RGS7: variants seen among roughly 807,000 people sequenced by gnomAD.
RGS7 encodes regulator of G-protein signaling 7.
A neutral mutation model predicts 81.1 loss-of-function variants in RGS7; 27 were observed. That is an observed-to-expected ratio of 0.33 (90% CI 0.25 to 0.46). The LOEUF (loss-of-function observed/expected upper bound fraction) is 0.46, where lower values mean the gene tolerates loss of function less well. RGS7 is among the 20% of genes least tolerant of loss of function. RGS7 has a pLI of 1.00. For synonymous variants in RGS7, 208 were observed against 207.7 expected, an observed-to-expected ratio of 1.00 and a Z score of -0.01; for missense variants, 396 against 607.4, an observed-to-expected ratio of 0.65 and a Z score of 3.66.
Position 240,868,458 on chromosome 1 carries a change from A to G in RGS7, c.609+129T>C. ...ACACAAAAGTGGTGATCTTTTCTTAATGAATTCACCAAGATACCATGGAGC... is the reference window on the plus strand; with the variant it reads ...ACACAAAAGTGGTGATCTTTTCTTAGTGAATTCACCAAGATACCATGGAGC... On this transcript the variant is annotated intron_variant, in intron 9 of 18. Coordinates refer to ENST00000440928, the MANE Select transcript of RGS7 (RefSeq NM_001364886.1). This position sits in a 1 kb window ranked among gnomAD's most constrained non-coding sequence, Gnocchi z 5.1. 1.3e-6 allele frequency: 1 copy of G among 787,072 alleles called. No homozygotes were observed. The highest frequency in any genetic ancestry group is 1.4e-5 in the South Asian group (1 of 72,204). The allele number at this position is 787,072 out of a possible 1,614,324, so 48.8% of individuals were successfully genotyped here. A position where few individuals can be genotyped will look rare whatever the true frequency, so the allele number is the denominator to read the frequency against.
intron 3 of RGS7, among the ~76,000 whole-genome samples, chr1:241,092,898 A>G (rs1416479040): frequency 6.6e-6 from 1 of 152,138 alleles, no homozygotes; most frequent in Non-Finnish European, 1.5e-5. Context: ...AAAGGCAGAT[A>G]TGTCAGGGAT....
At chr1:241,032,599 C>T (rs189180791) in intron 3 of RGS7, among the ~76,000 whole-genome samples, 4 of 152,134 alleles carry the variant, frequency 2.6e-5, no homozygotes, top group Admixed American at 2.0e-4. Flanking sequence ...TTGATTCTTC[C>T]GATCTATGAG....
chr1:240,949,714 G>T (rs1243030512), intron 4 of RGS7, among the ~76,000 whole-genome samples: 1 of 151,986 alleles, frequency 6.6e-6, no homozygotes, highest in African/African-American at 2.4e-5. Context: ...AGGGCGTGGT[G>T]GTGCATGCCT....
At chr1:241,077,878 A>G (rs1216838696) in intron 3 of RGS7, among the ~76,000 whole-genome samples, 2 of 152,134 alleles carry the variant, frequency 1.3e-5, no homozygotes, top group Non-Finnish European at 2.9e-5. Flanking sequence ...CTTTTCTTCA[A>G]AGAAAGCATT....
At chr1:240,814,053 T>C (rs184794644) in intron 12 of RGS7, among the ~76,000 whole-genome samples, 23 of 152,184 alleles carry the variant, frequency 1.5e-4, no homozygotes, top group Admixed American at 1.2e-3. Flanking sequence ...GGTTAATCAG[T>C]CCACCCACAG....
At chr1:240,806,513 A>T (rs1213436520) in intron 14 of RGS7, among the ~76,000 whole-genome samples, 187 bp from the exon 15 acceptor site, 1 of 150,298 alleles carries the variant, frequency 6.7e-6, no homozygotes, top group African/African-American at 2.4e-5. Flanking sequence ...TATTATGAAA[A>T]ATAATTATTA....
chr1:240,930,707 T>C lies in RGS7; in HGVS notation c.385+10A>G. 1 of 1,611,736 alleles carries C rather than the reference T, an allele frequency of 6.2e-7. No homozygotes were observed. Among genetic ancestry groups the C allele is most frequent in the Non-Finnish European group, 8.5e-7 (1 of 1,177,992 alleles). On this transcript the variant is annotated intron_variant, in intron 6 of 18. Coordinates refer to ENST00000440928, the MANE Select transcript of RGS7 (RefSeq NM_001364886.1). The stretch of plus-strand genomic sequence containing the variant: ...CTGTCAATAATAAAATAATGAGAGA[T>C]GGCACTGACCATAATCTGTGTTTTC...
At chr1:241,297,176 C>T (rs2079478160) in intron 2 of RGS7, among the ~76,000 whole-genome samples, 1 of 152,070 alleles carries the variant, frequency 6.6e-6, no homozygotes, top group African/African-American at 2.4e-5. Flanking sequence ...TGCTGTATCC[C>T]CAGAACTTAA....
At chr1:240,886,732 T>A (rs1478724065) in intron 6 of RGS7, among the ~76,000 whole-genome samples, 19 of 152,206 alleles carry the variant, frequency 1.2e-4, no homozygotes, top group Admixed American at 1.2e-3. Flanking sequence ...AGAGTCAGAC[T>A]ATGCCTAGAA....
At chr1:241,309,849 T>G (rs895166535) in intron 2 of RGS7, among the ~76,000 whole-genome samples, 1 of 152,352 alleles carries the variant, frequency 6.6e-6, no homozygotes, top group Admixed American at 6.5e-5. Flanking sequence ...ACACACGCGT[T>G]GAAGTAGCAC....
chr1:241,219,526 G>C (rs1415576927), intron 2 of RGS7, among the ~76,000 whole-genome samples: 1 of 152,132 alleles, frequency 6.6e-6, no homozygotes, highest in African/African-American at 2.4e-5. Flanking sequence ...CCCCACTAGA[G>C]ATGTGCCAGT....
At chr1:241,085,572 G>T (rs149981387) in intron 3 of RGS7, among the ~76,000 whole-genome samples, 41 of 151,420 alleles carry the variant, frequency 2.7e-4, no homozygotes, top group African/African-American at 9.5e-4. Flanking sequence ...TTATAGGCCC[G>T]CACCATCATG....
intron 3 of RGS7, among the ~76,000 whole-genome samples, chr1:240,987,013 A>T (rs927294272): frequency 6.6e-6 from 1 of 152,226 alleles, no homozygotes; most frequent in Non-Finnish European, 1.5e-5. Context: ...AAAGGCCTGG[A>T]CCAGGCTCTG....
At chr1:241,138,197 G>A (rs988166749) in intron 2 of RGS7, among the ~76,000 whole-genome samples, 3 of 149,766 alleles carry the variant, frequency 2.0e-5, no homozygotes, top group African/African-American at 7.4e-5. Context: ...AAAAAAAAGA[G>A]GAAATTAGGG....
At chr1:240,812,153 C>T (rs1334371255) in intron 13 of RGS7, 110 bp from the exon 14 acceptor site, 1 of 1,155,098 alleles carries the variant, frequency 8.7e-7, no homozygotes, top group Non-Finnish European at 1.3e-6. Context: ...CCATCTTTAC[C>T]TTTTCTTTAA....
At chr1:240,785,429 A>G (rs1472692766) in intron 18 of RGS7, among the ~76,000 whole-genome samples, 18 of 152,214 alleles carry the variant, frequency 1.2e-4, no homozygotes, top group Admixed American at 1.2e-3. Flanking sequence ...AACCTGCATT[A>G]GCACTTTTAT....
At chr1:241,019,101 T>C (rs570443182) in intron 3 of RGS7, among the ~76,000 whole-genome samples, 1 of 152,278 alleles carries the variant, frequency 6.6e-6, no homozygotes, top group African/African-American at 2.4e-5. Context: ...GGCTATCCCA[T>C]GACCAGGGCC....
At chr1:240,984,638 T>C (rs552608113) in intron 3 of RGS7, among the ~76,000 whole-genome samples, 11 of 152,338 alleles carry the variant, frequency 7.2e-5, no homozygotes, top group Admixed American at 2.0e-4. Context: ...TTTGCATACA[T>C]AGTAAACTGT....
rs2148388187 is a variant in RGS7 at position 240,939,404 on chromosome 1, G to A, written c.227-2698C>T. On this transcript the variant is annotated intron_variant, in intron 4 of 18. Transcript: ENST00000440928. ...AAAGCTAGGCTGAGTGAGGAATCCT[G>A]ACAGTCCTAAGCAGCCACGTTCATC... Among the ~76,000 whole-genome samples, 2 of 152,238 alleles carry A rather than the reference G, an allele frequency of 1.3e-5. 1 individual carries two copies. The highest frequency in any genetic ancestry group is 6.8e-3 in the Middle Eastern group (2 of 294).
Sources: allele counts gnomAD v4.1 joint callset (sites outside exome capture counted in the v4.1 genomes callset), GRCh38; gene constraint gnomAD v4.1.1; non-coding constraint Gnocchi (gnomAD v3.1); transcripts MANE v1.5; gene names NCBI Gene and HGNC (gene_info 2026-07-23, HGNC 2026-07-21).